The following ZFHX2 variants were observed in gnomAD, a reference collection of about 807,000 sequenced individuals.
ZFHX2 encodes zinc finger homeobox protein 2.
A neutral mutation model predicts 164.8 loss-of-function variants in ZFHX2; 75 were observed. The ratio of observed to expected loss-of-function variants is 0.46; its 90% CI spans 0.38 to 0.55. The LOEUF (loss-of-function observed/expected upper bound fraction) is 0.55. Among genes scored for constraint, ZFHX2 ranks in the 20% least tolerant of loss-of-function variants. ZFHX2 has a pLI of 0.00. For missense variants in ZFHX2, 2,933 were observed against 3,308.0 expected (o/e 0.89, Z 2.78); for synonymous variants, 1,217 against 1,351.4 (o/e 0.90, Z 2.18).
chr14:23,529,428 C>T (rs1879236644), intron 6 of ZFHX2: 1 of 403,852 alleles, frequency 2.5e-6, no homozygotes, highest in Middle Eastern at 7.0e-4. Context: ...AGCATGTACC[C>T]CCACTCTTTC....
chr14:23,530,353 C>A (rs1267950207), intron 4 of ZFHX2, 159 bp from the exon 5 acceptor site: 1 of 706,720 alleles, frequency 1.4e-6, no homozygotes, highest in South Asian at 1.5e-5. Context: ...AAAAGAAACA[C>A]CCACACAGAA....
At chr14:23,536,320 C>T (rs1880137300) in intron 1 of ZFHX2, among the ~76,000 whole-genome samples, 1 of 152,154 alleles carries the variant, frequency 6.6e-6, no homozygotes, top group South Asian at 2.1e-4. Flanking sequence ...AGGAAAGACC[C>T]TCAGATTTTC....
At chr14:23,555,357 G>C (rs547979332), upstream of ZFHX2, among the ~76,000 whole-genome samples, 14 of 152,232 alleles carry the variant, frequency 9.2e-5, no homozygotes, top group Non-Finnish European at 1.9e-4. Context: ...CTTAGGGACC[G>C]CTGGAAACTC....
rs759334104 is a variant in ZFHX2 at position 23,523,502 on chromosome 14, T to C, written c.6440A>G (p.Asp2147Gly). 4.6e-6 allele frequency: 7 copies of C among 1,536,326 alleles called. No homozygotes were observed. The South Asian group carries it at 8.3e-5, about 18-fold the overall frequency. ...SEGLLAAQRT[D>G]CPYCDVKYDF... ...ATACTTGACATCACAATAGGGGCAG[T>C]CAGTGCGCTGGGCTGCTAAGAGGCC... is the stretch of plus-strand genomic sequence containing the variant. Residue 2147 changes from aspartate to glycine, a missense_variant, in exon 9 of 10, where the codon GAC becomes GGC. Asp to Gly is a moderately conservative substitution (Grantham distance 94, BLOSUM62 -1). Coordinates refer to ENST00000419474, the MANE Select transcript of ZFHX2 (RefSeq NM_033400.3). This position sits in a 1 kb window ranked among gnomAD's most constrained non-coding sequence, Gnocchi z 4.1.
rs542147789 is a variant in ZFHX2, at chr14:23,526,239, C to T, written c.3703G>A (p.Gly1235Ser). Reference protein sequence around the residue: ...DPSAPARGEAGAPPTTTAATD... With the variant: ...DPSAPARGEASAPPTTTAATD... ...GCAGCAGTGGTGGTGGGTGGGGCAC[C>T]GGCCTCTCCCCGTGCAGGGGCAGAG... The change falls in exon 9 of 10, where the codon GGT (glycine) becomes AGT (serine). Residue 1235 changes from glycine to serine, a missense_variant. Coordinates refer to ENST00000419474, the MANE Select transcript of ZFHX2 (RefSeq NM_033400.3). 1.8e-5 allele frequency: 27 copies of T among 1,536,286 alleles called. No homozygotes were observed. The highest frequency in any genetic ancestry group is 1.2e-4 in the East Asian group (5 of 40,894).
intron 4 of ZFHX2, chr14:23,530,626 C>G (rs1487238047): frequency 1.7e-5 from 6 of 355,158 alleles, no homozygotes; most frequent in Admixed American, 8.1e-5. Flanking sequence ...GAGGAGATTA[C>G]CGCTCAAGTA....
At chr14:23,550,972 C>G (rs891533039) in intron 1 of ZFHX2, among the ~76,000 whole-genome samples, 2 of 152,072 alleles carry the variant, frequency 1.3e-5, no homozygotes, top group Admixed American at 1.3e-4. Flanking sequence ...CCCCTTCCCC[C>G]CGGGATCCCC....
In ZFHX2 at chr14:23,541,751, C is replaced by T. The variant is rs564756638; in HGVS notation, c.-49-6377G>A. ...TGGATCAAAACTATTCTGGCCTTTC[C>T]CTGCATGTCTTCTTTTTTTCTTTTT... On this transcript the variant is annotated intron_variant, in intron 1 of 9. Transcript: ENST00000419474. Among the ~76,000 whole-genome samples the T allele has an allele frequency of 2.9e-4, 44 of 152,342 alleles. No individual in the cohort carries two copies. The South Asian group carries it at 8.9e-3, about 31-fold the overall frequency.
At position 23,535,371 on chromosome 14, in the gene ZFHX2, TA is replaced by T; in HGVS notation, c.-47del. 2 of 1,437,230 alleles carry T rather than the reference TA, an allele frequency of 1.4e-6. No individual in the cohort carries two copies. The highest frequency in any genetic ancestry group is 5.0e-5 in the East Asian group (2 of 39,864). 89.0% of individuals were successfully genotyped at this position (1,437,230 alleles called of 1,614,324 possible). ...GGGCTCATGTCAGCGTGACAGCCAG[TA>T]CCCTGTAGGGAGACAAGGAGAGAGC... On this transcript the variant is annotated splice_region_variant and 5_prime_UTR_variant, in exon 2 of 10. Coordinates refer to ENST00000419474, the MANE Select transcript of ZFHX2 (RefSeq NM_033400.3). The surrounding 1 kb of genome is among the most constrained non-coding windows in gnomAD (Gnocchi z 4.5).
Position 23,546,598 on chromosome 14 carries a change from C to T in ZFHX2, c.-50+4745G>A, listed in dbSNP as rs1881410582. The stretch of plus-strand genomic sequence containing the variant: ...TGGAAGTTACTTCTAAATCTTTCAC[C>T]CCTGCCTTGCCAGCCTGGGGAGGAG... On this transcript the variant is annotated intron_variant, in intron 1 of 9. Transcript: ENST00000419474. This position sits in a 1 kb window ranked among gnomAD's most constrained non-coding sequence, Gnocchi z 4.7. 1.3e-5 allele frequency among the ~76,000 whole-genome samples: 2 copies of T among 152,120 alleles called. No homozygotes were observed. The highest frequency in any genetic ancestry group is 2.9e-5 in the Non-Finnish European group (2 of 68,020).
intron 1 of ZFHX2, among the ~76,000 whole-genome samples, chr14:23,540,000 T>C (rs1323126578): frequency 6.6e-6 from 1 of 152,224 alleles, no homozygotes; most frequent in Non-Finnish European, 1.5e-5. Context: ...TTGTTTTTCA[T>C]TTTTTGAGAC....
At chr14:23,532,364 C>T in intron 3 of ZFHX2, 1 of 594,216 alleles carries the variant, frequency 1.7e-6, no homozygotes, top group South Asian at 5.0e-5. Flanking sequence ...GTCTGTTTCA[C>T]TTGTCAGAGT....
Position 23,534,861 on chromosome 14 carries a change from C to A in ZFHX2, c.465G>T (p.Leu155=). Residue 155 remains leucine (L), a synonymous_variant, in exon 2 of 10, where the codon CTG becomes CTT. Transcript: ENST00000419474. This position sits in a 1 kb window ranked among gnomAD's most constrained non-coding sequence, Gnocchi z 4.5. ...AGGGGGGTGGGTAGGCAAGGAAGGG[C>A]AGACTGGGCTCTTCCTTGATGCCCG... ...GEAGIKEEPS[L]PFLAYPPPSH... The A allele has an allele frequency of 6.5e-7, 1 of 1,536,110 alleles. No individual in the cohort carries two copies. The highest frequency in any genetic ancestry group is 8.7e-7 in the Non-Finnish European group (1 of 1,146,880).
chr14:23,525,689 T>A lies in ZFHX2; in HGVS notation c.4253A>T (p.Glu1418Val), dbSNP rs1446454585. The change falls in exon 9 of 10, where the codon GAG (glutamate) becomes GTG (valine). Residue 1418 changes from glutamate to valine, a missense_variant. Transcript: ENST00000419474. This position sits in a 1 kb window ranked among gnomAD's most constrained non-coding sequence, Gnocchi z 5.9. ...REWERPPMAK[E>V]GNEAGPSSPP... ...TGAGGAAGGCCCTGCCTCATTACCC[T>A]CTTTGGCCATGGGGGGCCGCTCCCA... The A allele has an allele frequency of 2.0e-6, 3 of 1,529,798 alleles. No homozygotes were observed. The highest frequency in any genetic ancestry group is 3.9e-5 in the Admixed American group (2 of 50,716). 94.8% of individuals were successfully genotyped at this position (1,529,798 alleles called of 1,614,324 possible).
chr14:23,552,374 A>C (rs1009249898), upstream of ZFHX2, among the ~76,000 whole-genome samples: 6 of 149,714 alleles, frequency 4.0e-5, no homozygotes, highest in African/African-American at 1.5e-4. Context: ...GCTCACTGCA[A>C]CCTCCACCAC....
intron 1 of ZFHX2, among the ~76,000 whole-genome samples, chr14:23,549,133 A>T (rs1881699047): frequency 6.6e-6 from 1 of 151,862 alleles, no homozygotes; most frequent in Non-Finnish European, 1.5e-5. Flanking sequence ...GGAATATTCT[A>T]TCATTTCTCT....
Position 23,525,019 on chromosome 14 carries a change from C to G in ZFHX2, c.4923G>C (p.Val1641=). 6.5e-7 allele frequency: 1 copy of G among 1,536,202 alleles called. No homozygotes were observed. Among genetic ancestry groups the G allele is most frequent in the Non-Finnish European group, 8.7e-7 (1 of 1,146,920 alleles). ...LLGLASRVVV[V]WFQNARQKAR... is the part of the protein sequence containing the mutation. ...CTTTCTGGCGGGCATTCTGGAACCACACCACCACCACACGGCTAGCCAGAC... is the reference window on the plus strand; with the variant it reads ...CTTTCTGGCGGGCATTCTGGAACCAGACCACCACCACACGGCTAGCCAGAC... The change falls in exon 9 of 10, where the codon GTG becomes GTC. Residue 1641 remains valine (V), a synonymous_variant. Transcript: ENST00000419474. The surrounding 1 kb of genome is among the most constrained non-coding windows in gnomAD (Gnocchi z 5.9).
At chr14:23,545,920 A>G (rs933807929) in intron 1 of ZFHX2, among the ~76,000 whole-genome samples, 3 of 152,208 alleles carry the variant, frequency 2.0e-5, no homozygotes, top group Admixed American at 2.0e-4. Context: ...GGGGAAACAC[A>G]ATCTAACACT....
intron 1 of ZFHX2, among the ~76,000 whole-genome samples, chr14:23,541,486 C>T (rs760435633): frequency 2.0e-5 from 3 of 151,974 alleles, no homozygotes; most frequent in Non-Finnish European, 4.4e-5. Flanking sequence ...AGAGCTTCTC[C>T]ATGTTGGTCA....
Sources: allele counts gnomAD v4.1 joint callset (sites outside exome capture counted in the v4.1 genomes callset), GRCh38; gene constraint gnomAD v4.1.1; non-coding constraint Gnocchi (gnomAD v3.1); transcripts MANE v1.5; gene names NCBI Gene and HGNC (gene_info 2026-07-23, HGNC 2026-07-21).